Variants in PPP1R9A observed in about 807,000 individuals in gnomAD.
PPP1R9A encodes protein phosphatase 1 regulatory subunit 9A, also known as neurabin-1.
Under a neutral mutation model 141.9 loss-of-function variants are expected in PPP1R9A, and 59 were observed. The observed-to-expected ratio is 0.42, with a 90% confidence interval of 0.34 to 0.52. The LOEUF (loss-of-function observed/expected upper bound fraction) is 0.52. PPP1R9A is among the 20% of genes least tolerant of loss of function. The pLI is 0.10. For missense variants in PPP1R9A, 1,444 were observed against 1,611.9 expected, an observed-to-expected ratio of 0.90 and a Z score of 1.78; for synonymous variants, 500 against 569.7, an observed-to-expected ratio of 0.88 and a Z score of 1.74.
Position 95,250,071 on chromosome 7 carries a change from A to G in PPP1R9A, c.2212A>G (p.Thr738Ala), listed in dbSNP as rs1203514289. ...NEKVRWELEK[T>A]QLQQNIEENK... is the part of the protein sequence containing the mutation. Reference sequence around the variant, plus strand: ...GAAAGTGAGGTGGGAACTAGAAAAAACCCAACTCCAACAAAACATAGAAGA... The same window carrying G: ...GAAAGTGAGGTGGGAACTAGAAAAAGCCCAACTCCAACAAAACATAGAAGA... Residue 738 changes from threonine to alanine, a missense_variant, in exon 10 of 20, where the codon ACC (threonine) becomes GCC (alanine). Thr to Ala is a moderately conservative substitution (Grantham distance 58). Transcript: ENST00000433360. 3.7e-6 allele frequency: 6 copies of G among 1,612,366 alleles called. No homozygotes were observed. Among genetic ancestry groups the G allele is most frequent in the African/African-American group, 1.3e-5 (1 of 74,956 alleles).
intron 2 of PPP1R9A, among the ~76,000 whole-genome samples, chr7:95,030,158 G>GTA (rs1178300491): frequency 1.3e-5 from 2 of 152,184 alleles, no homozygotes; most frequent in Non-Finnish European, 2.9e-5. Context: ...TAACAGCAGA[G>GTA]TAATATTGGG....
chr7:94,995,651 G>A (rs1413504724), intron 2 of PPP1R9A, among the ~76,000 whole-genome samples: 2 of 151,872 alleles, frequency 1.3e-5, no homozygotes, highest in Admixed American at 1.3e-4. Flanking sequence ...AGAAGCTTGA[G>A]TCTTCTTTAG....
intron 8 of PPP1R9A, among the ~76,000 whole-genome samples, chr7:95,229,723 G>A (rs546237866): frequency 6.6e-6 from 1 of 152,194 alleles, no homozygotes; most frequent in South Asian, 2.1e-4. Context: ...TCTCTTGGGA[G>A]CTCTGTGGCC....
At chr7:95,246,651 C>T (rs1464995603) in intron 8 of PPP1R9A, among the ~76,000 whole-genome samples, 1 of 152,210 alleles carries the variant, frequency 6.6e-6, no homozygotes, top group Non-Finnish European at 1.5e-5. Context: ...CTTCCAAAAA[C>T]ATCTGGCCCC....
In PPP1R9A at chr7:95,042,338, T is replaced by C. The variant is rs139704870; in HGVS notation, c.1396-68921T>C. ...CTACACAACCTAAAATTCCTACTTATGCTACTATTTTTAAAAACTGATATG... is the reference window on the plus strand; with the variant it reads ...CTACACAACCTAAAATTCCTACTTACGCTACTATTTTTAAAAACTGATATG... On this transcript the variant is annotated intron_variant, in intron 2 of 19. Transcript: ENST00000433360. Among the ~76,000 whole-genome samples, 600 of 152,322 alleles carry C rather than the reference T, an allele frequency of 3.9e-3. 3 individuals are homozygous for C. The highest frequency in any genetic ancestry group is 0.024 in the South Asian group (115 of 4,826).
chr7:95,113,153 G>A (rs557384415), intron 3 of PPP1R9A, among the ~76,000 whole-genome samples: 152 of 152,196 alleles, frequency 1.0e-3, no homozygotes, highest in Non-Finnish European at 1.7e-3. Flanking sequence ...AAATTTCACC[G>A]GAAGAATTGA....
chr7:95,092,948 A>G (rs1817552761), intron 2 of PPP1R9A, among the ~76,000 whole-genome samples: 1 of 152,190 alleles, frequency 6.6e-6, no homozygotes, highest in Admixed American at 6.5e-5. Flanking sequence ...TGTCTATGTC[A>G]GGGTGACTTG....
At chr7:94,909,673 A>G (rs1251866531) in intron 1 of PPP1R9A, among the ~76,000 whole-genome samples, 1 of 147,672 alleles carries the variant, frequency 6.8e-6, no homozygotes, top group East Asian at 2.0e-4. Context: ...TGTGTGTGAG[A>G]TTTTGATAGG....
intron 2 of PPP1R9A, among the ~76,000 whole-genome samples, chr7:95,090,702 G>A (rs1437642582): frequency 6.6e-6 from 1 of 151,722 alleles, no homozygotes; most frequent in Non-Finnish European, 1.5e-5. Context: ...CAGCTACTTG[G>A]GAGGCTAAGG....
intron 2 of PPP1R9A, chr7:95,036,150 A>G (rs1483180360): frequency 6.6e-6 from 1 of 152,198 alleles, no homozygotes; most frequent in Non-Finnish European, 1.5e-5. Flanking sequence ...TATTTAATGA[A>G]TAGACATAGA....
chr7:95,204,944 C>T (rs1349832344), intron 7 of PPP1R9A, among the ~76,000 whole-genome samples: 1 of 148,636 alleles, frequency 6.7e-6, no homozygotes, highest in Non-Finnish European at 1.5e-5. Context: ...ACCACATACC[C>T]ACACACGACA....
At chr7:95,186,139 G>A (rs1465720745) in intron 5 of PPP1R9A, among the ~76,000 whole-genome samples, 1 of 151,952 alleles carries the variant, frequency 6.6e-6, no homozygotes, top group African/African-American at 2.4e-5. Context: ...TCACAATATT[G>A]ATTCTACCAA....
chr7:95,263,200 A>T (rs770767306), intron 12 of PPP1R9A, among the ~76,000 whole-genome samples: 6 of 152,216 alleles, frequency 3.9e-5, no homozygotes, highest in Non-Finnish European at 7.3e-5. Context: ...GGTGCCTTTA[A>T]GAGAAAATAT....
At chr7:94,922,159 A>C (rs1000074881) in intron 2 of PPP1R9A, among the ~76,000 whole-genome samples, 13 of 150,842 alleles carry the variant, frequency 8.6e-5, no homozygotes, top group African/African-American at 2.9e-4. Context: ...ATTATTTTAA[A>C]GCCCTTTATA....
intron 2 of PPP1R9A, among the ~76,000 whole-genome samples, chr7:95,072,848 T>A (rs1386181619): frequency 3.7e-5 from 4 of 109,042 alleles, no homozygotes; most frequent in Non-Finnish European, 7.0e-5. Flanking sequence ...TTATTATATA[T>A]AATATAAGTT....
At chr7:95,011,734 TC>T (rs1350727735) in intron 2 of PPP1R9A, among the ~76,000 whole-genome samples, 1 of 152,110 alleles carries the variant, frequency 6.6e-6, no homozygotes, top group Non-Finnish European at 1.5e-5. Flanking sequence ...GAAAGGGAGC[TC>T]TTGAAATCTG....
intron 2 of PPP1R9A, among the ~76,000 whole-genome samples, chr7:95,011,313 T>C (rs1250330835): frequency 1.3e-5 from 2 of 152,190 alleles, no homozygotes; most frequent in Non-Finnish European, 1.5e-5. Context: ...ACTTAGTCTT[T>C]CTCGGAGTTT....
intron 4 of PPP1R9A, among the ~76,000 whole-genome samples, chr7:95,136,007 G>A (rs958298986): frequency 1.5e-4 from 23 of 151,896 alleles, no homozygotes; most frequent in African/African-American, 5.1e-4. Context: ...TTTATCTTCC[G>A]TATACGTCCC....
At chr7:95,022,431 C>T (rs1348617029) in intron 2 of PPP1R9A, among the ~76,000 whole-genome samples, 1 of 152,094 alleles carries the variant, frequency 6.6e-6, no homozygotes, top group Non-Finnish European at 1.5e-5. Context: ...CAAATAGAGA[C>T]AATTTGACTT....
Sources: allele counts gnomAD v4.1 joint callset (sites outside exome capture counted in the v4.1 genomes callset), GRCh38; gene constraint gnomAD v4.1.1; transcripts MANE v1.5; gene names NCBI Gene and HGNC (gene_info 2026-07-23, HGNC 2026-07-21).